Variants in RPS6KA5 observed in about 807,000 individuals in gnomAD.
The protein encoded by RPS6KA5 is ribosomal protein S6 kinase A5, also known as ribosomal protein S6 kinase alpha-5.
RPS6KA5 carries 27 observed loss-of-function variants against 85.5 expected under a neutral mutation model. The observed-to-expected ratio is 0.32, with a 90% CI of 0.23 to 0.44. The LOEUF (loss-of-function observed/expected upper bound fraction) is 0.44. RPS6KA5 is among the 20% of genes least tolerant of loss of function. The probability of loss-of-function intolerance (pLI) is 1.00; values close to 1 mark genes in which losing one functional copy is unlikely to be tolerated. For synonymous variants in RPS6KA5, 334 were observed against 348.2 expected, an observed-to-expected ratio of 0.96 and a Z score of 0.46; for missense variants, 811 against 980.9, an observed-to-expected ratio of 0.83 and a Z score of 2.31.
At chr14:90,904,074 T>C (rs572412454) in intron 8 of RPS6KA5, among the ~76,000 whole-genome samples, 10 of 152,088 alleles carry the variant, frequency 6.6e-5, no homozygotes, top group Non-Finnish European at 1.0e-4. Flanking sequence ...CTCAGCCTCC[T>C]GAGTAGCTGG....
At chr14:91,053,935 A>T (rs1025279415) in intron 1 of RPS6KA5, among the ~76,000 whole-genome samples, 2 of 152,248 alleles carry the variant, frequency 1.3e-5, no homozygotes, top group African/African-American at 4.8e-5. Flanking sequence ...CAATTTCAAA[A>T]CTTACTAAAA....
In RPS6KA5 at chr14:90,853,119, T is replaced by C. The variant is rs1302806539; in HGVS notation, c.*18955A>G. ...AAGAGTGAATGTGTTTGCCGTTCTA[T>C]AAATAAAATGAGTTCACTATAAAAA... On this transcript the variant is annotated 3_prime_UTR_variant, in exon 17 of 17. Coordinates refer to ENST00000614987, the MANE Select transcript of RPS6KA5 (RefSeq NM_004755.4). 6.6e-6 allele frequency: 1 copy of C among 150,804 alleles called. No individual in the cohort carries two copies. The highest frequency in any genetic ancestry group is 2.5e-5 in the African/African-American group (1 of 40,102). The allele number at this position is 150,804 out of a possible 1,614,324, so 9.3% of individuals were successfully genotyped here. A position where few individuals can be genotyped will look rare whatever the true frequency, so the allele number is the denominator to read the frequency against.
chr14:90,897,906 C>T (rs921294001), intron 12 of RPS6KA5, among the ~76,000 whole-genome samples: 2 of 152,156 alleles, frequency 1.3e-5, no homozygotes, highest in East Asian at 3.8e-4. Context: ...TTCTTAAGCA[C>T]CTTCGTGGCC....
At chr14:90,940,938 C>A (rs2037537556) in intron 5 of RPS6KA5, among the ~76,000 whole-genome samples, 1 of 152,188 alleles carries the variant, frequency 6.6e-6, no homozygotes, top group African/African-American at 2.4e-5. Flanking sequence ...CATACCCCGA[C>A]CCTCGTCTTT....
At chr14:90,925,923 T>C (rs1214583192) in intron 5 of RPS6KA5, among the ~76,000 whole-genome samples, 5 of 109,454 alleles carry the variant, frequency 4.6e-5, no homozygotes, top group African/African-American at 1.5e-4. Flanking sequence ...GCCTCGGTGA[T>C]AGAGTGAGAC....
chr14:90,951,752 T>C (rs1181027311), intron 3 of RPS6KA5, among the ~76,000 whole-genome samples: 2 of 152,200 alleles, frequency 1.3e-5, no homozygotes, highest in Non-Finnish European at 1.5e-5. Flanking sequence ...CCGCTCGTTC[T>C]TTCCCTTAAA....
chr14:90,947,217 T>C (rs2037917105), intron 4 of RPS6KA5, among the ~76,000 whole-genome samples: 1 of 152,232 alleles, frequency 6.6e-6, no homozygotes, highest in Non-Finnish European at 1.5e-5. Flanking sequence ...AGCCAAAACC[T>C]GCTTAGGTTC....
intron 2 of RPS6KA5, among the ~76,000 whole-genome samples, chr14:90,997,944 T>C (rs1319626030): frequency 8.3e-6 from 1 of 119,896 alleles, no homozygotes; most frequent in African/African-American, 3.3e-5. Context: ...ACCAGGGAGG[T>C]GGAGGTTGCT....
intron 1 of RPS6KA5, among the ~76,000 whole-genome samples, chr14:91,048,278 C>A (rs1364682737): frequency 2.6e-5 from 4 of 152,024 alleles, no homozygotes; most frequent in Non-Finnish European, 4.4e-5. Flanking sequence ...ATTTTAAGTA[C>A]CAAATTCACT....
intron 7 of RPS6KA5, among the ~76,000 whole-genome samples, chr14:90,911,119 A>G (rs1385336458): frequency 6.6e-6 from 1 of 151,914 alleles, no homozygotes; most frequent in Non-Finnish European, 1.5e-5. Context: ...CTTCATGCAT[A>G]CCATATGTTT....
rs1411843001 is a variant in RPS6KA5, at chr14:90,856,918, C to A, written c.*15156G>T. The A allele has an allele frequency of 6.3e-6, 1 of 159,322 alleles. No homozygotes were observed. The highest frequency in any genetic ancestry group is 1.4e-5 in the Non-Finnish European group (1 of 72,268). The allele number at this position is 159,322 out of a possible 1,614,324, so 9.9% of individuals were successfully genotyped here. ...TTCATGTAAGTGGAATCATACAATA[C>A]GTGGCCTTGTGTGTCTGGTTTCTTT... On this transcript the variant is annotated 3_prime_UTR_variant, in exon 17 of 17. Transcript: ENST00000614987.
At chr14:90,950,074 G>C (rs1441248431) in intron 3 of RPS6KA5, among the ~76,000 whole-genome samples, 2 of 152,184 alleles carry the variant, frequency 1.3e-5, no homozygotes, top group African/African-American at 4.8e-5. Flanking sequence ...GAACATGGGG[G>C]ATGGCTTTCC....
chr14:91,002,428 C>T (rs760769996), intron 1 of RPS6KA5, among the ~76,000 whole-genome samples: 15 of 151,892 alleles, frequency 9.9e-5, no homozygotes, highest in Non-Finnish European at 1.8e-4. Flanking sequence ...CAAAATAATA[C>T]CCACTACATA....
At chr14:90,907,459 A>G (rs968559747) in intron 7 of RPS6KA5, among the ~76,000 whole-genome samples, 6 of 152,242 alleles carry the variant, frequency 3.9e-5, no homozygotes, top group Admixed American at 6.5e-5. Flanking sequence ...TAGAGTGCTT[A>G]ACATAGTACC....
At chr14:91,027,832 T>C (rs1449643609) in intron 1 of RPS6KA5, among the ~76,000 whole-genome samples, 4 of 152,208 alleles carry the variant, frequency 2.6e-5, no homozygotes, top group African/African-American at 9.7e-5. Context: ...ACATGTAACC[T>C]CTGCTCAATT....
At chr14:91,049,944 T>C (rs1457383402) in intron 1 of RPS6KA5, among the ~76,000 whole-genome samples, 3 of 152,254 alleles carry the variant, frequency 2.0e-5, no homozygotes, top group Non-Finnish European at 4.4e-5. Flanking sequence ...AAAAATACAG[T>C]AACGCAATTT....
At chr14:90,922,610 G>T (rs1300003577) in intron 6 of RPS6KA5, among the ~76,000 whole-genome samples, 1 of 152,122 alleles carries the variant, frequency 6.6e-6, no homozygotes, top group Non-Finnish European at 1.5e-5. Flanking sequence ...ACCACGCCCA[G>T]CTAATTTTTT....
At chr14:90,994,628 G>A (rs2040441253) in intron 2 of RPS6KA5, among the ~76,000 whole-genome samples, 2 of 135,208 alleles carry the variant, frequency 1.5e-5, no homozygotes, top group South Asian at 4.8e-4. Context: ...CTGGAGTGCA[G>A]TGGTGTGATC....
At chr14:90,900,060 G>A (rs764135704) in intron 11 of RPS6KA5, 48 bp downstream of exon 11, 2 of 1,402,502 alleles carry the variant, frequency 1.4e-6, no homozygotes, top group Non-Finnish European at 1.9e-6. Context: ...TTAATTTACA[G>A]AATTCATGAA....
Sources: gnomAD v4.1 joint callset for allele counts (sites outside exome capture counted in the v4.1 genomes callset) on GRCh38, gnomAD v4.1.1 for gene constraint, MANE v1.5 for transcripts, NCBI Gene and HGNC (gene_info 2026-07-23, HGNC 2026-07-21) for gene names.